Variants in CABLES2 observed in about 807,000 individuals in gnomAD.
CABLES2 encodes CDK5 and ABL1 enzyme substrate 2.
A neutral mutation model predicts 44.8 loss-of-function variants in CABLES2; 35 were observed. The ratio of observed to expected loss-of-function variants is 0.78; its 90% CI spans 0.60 to 1.04. CABLES2 has a LOEUF of 1.04. CABLES2 is among the 50% of genes least tolerant of loss of function. The probability of loss-of-function intolerance (pLI) is 0.00; values close to 1 mark genes in which losing one functional copy is unlikely to be tolerated. For synonymous variants in CABLES2, 282 were observed against 281.1 expected (o/e 1.00, Z -0.03); for missense variants, 566 against 615.7 (o/e 0.92, Z 0.85).
At position 62,389,520 on chromosome 20, in the gene CABLES2, T is replaced by G. The variant is rs1317092412; in HGVS notation, c.*1451A>C. The G allele has an allele frequency of 1.3e-5, 2 of 152,202 alleles. No homozygotes were observed. The highest frequency in any genetic ancestry group is 3.9e-4 in the East Asian group (2 of 5,192). The allele number at this position is 152,202 out of a possible 1,614,324, so 9.4% of individuals were successfully genotyped here. ...TGGTGGAGTTCTGTGATAGCAGAAT[T>G]GGCATCTCCTTTCTGCGGAAGCACC... On this transcript the variant is annotated 3_prime_UTR_variant, in exon 10 of 10. Coordinates refer to ENST00000279101, the MANE Select transcript of CABLES2 (RefSeq NM_031215.3).
In CABLES2 at chr20:62,391,312, G is replaced by A. The variant is rs185909955; in HGVS notation, c.1233C>T (p.Cys411=). 37 of 1,613,084 alleles carry A rather than the reference G, an allele frequency of 2.3e-5. No individual in the cohort carries two copies. The African/African-American group carries it at 3.2e-4, about 14-fold the overall frequency. The change falls in exon 9 of 10, where the codon TGC becomes TGT. Residue 411 remains cysteine (C), a synonymous_variant. Coordinates refer to ENST00000279101, the MANE Select transcript of CABLES2 (RefSeq NM_031215.3). The surrounding 1 kb of genome is among the most constrained non-coding windows in gnomAD (Gnocchi z 5.7). Reference sequence around the variant, plus strand: ...TGCTGATCTTGGCAGCCAGCAGCACGCAGGCGCCAGCGCACAGCTTGCGGT... The same window carrying A: ...TGCTGATCTTGGCAGCCAGCAGCACACAGGCGCCAGCGCACAGCTTGCGGT... ...KQNRKLCAGA[C]VLLAAKISSD...
intron 1 of CABLES2, chr20:62,404,544 C>G (rs1354819812): frequency 1.3e-5 from 2 of 152,332 alleles, no homozygotes; most frequent in East Asian, 3.9e-4. Flanking sequence ...GGGCAGCCAC[C>G]CTTCCCTCGA....
chr20:62,392,341 T>C, intron 8 of CABLES2, 48 bp downstream of exon 8: 1 of 1,356,188 alleles, frequency 7.4e-7, no homozygotes, highest in Non-Finnish European at 1.1e-6. Flanking sequence ...GAGGAGAGGC[T>C]GGCAGGGCCT....
At position 62,389,222 on chromosome 20, in the gene CABLES2, A is replaced by C. The variant is rs1349345452; in HGVS notation, c.*1749T>G. ...TTCAGAGGAAAGCTGCCTGGGACCC[A>C]GCATGGTGGAGCAGCTTTGAAGCTG... On this transcript the variant is annotated 3_prime_UTR_variant, in exon 10 of 10. Coordinates refer to ENST00000279101, the MANE Select transcript of CABLES2 (RefSeq NM_031215.3). The C allele has an allele frequency of 6.6e-6, 1 of 152,476 alleles. No individual in the cohort carries two copies. Among genetic ancestry groups the C allele is most frequent in the Non-Finnish European group, 1.5e-5 (1 of 68,248 alleles). The allele number at this position is 152,476 out of a possible 1,614,324, so 9.4% of individuals were successfully genotyped here. A position where few individuals can be genotyped will look rare whatever the true frequency, so the allele number is the denominator to read the frequency against.
Position 62,389,920 on chromosome 20 carries a change from C to T in CABLES2, c.*1051G>A, listed in dbSNP as rs1158203860. 1 of 152,168 alleles carries T rather than the reference C, an allele frequency of 6.6e-6. No homozygotes were observed. The highest frequency in any genetic ancestry group is 1.5e-5 in the Non-Finnish European group (1 of 68,038). 9.4% of individuals were successfully genotyped at this position (152,168 alleles called of 1,614,324 possible). On this transcript the variant is annotated 3_prime_UTR_variant, in exon 10 of 10. Coordinates refer to ENST00000279101, the MANE Select transcript of CABLES2 (RefSeq NM_031215.3). ...GAGGTGGCCAAGATGGCACCTGTTT[C>T]CTGCCTCAGAAGAAAAGGCACTGAC...
At chr20:62,400,703 G>T (rs539338332) in intron 1 of CABLES2, among the ~76,000 whole-genome samples, 9 of 152,256 alleles carry the variant, frequency 5.9e-5, no homozygotes, top group Non-Finnish European at 1.2e-4. Context: ...GAGGCCCCGC[G>T]GCAGCCTGCC....
At chr20:62,398,949 A>C (rs941367927) in intron 1 of CABLES2, among the ~76,000 whole-genome samples, 5 of 152,228 alleles carry the variant, frequency 3.3e-5, no homozygotes, top group African/African-American at 1.2e-4. Flanking sequence ...TGATGCTGTC[A>C]TTTTTTTCTT....
In CABLES2 at chr20:62,388,722, T is replaced by C. The variant is rs1987845353; in HGVS notation, c.*2249A>G. The C allele has an allele frequency of 1.8e-6, 1 of 554,390 alleles. No individual in the cohort carries two copies. The highest frequency in any genetic ancestry group is 3.2e-6 in the Non-Finnish European group (1 of 312,046). 34.3% of individuals were successfully genotyped at this position (554,390 alleles called of 1,614,324 possible). A position where few individuals can be genotyped will look rare whatever the true frequency, so the allele number is the denominator to read the frequency against. The stretch of plus-strand genomic sequence containing the variant: ...ATAACTCAAACATTCTGAGGTCTGA[T>C]ACTTGCTTATGCACACTGACATCCA... On this transcript the variant is annotated 3_prime_UTR_variant, in exon 10 of 10. Transcript: ENST00000279101.
At chr20:62,394,365 A>C in intron 4 of CABLES2, 100 bp from the exon 5 acceptor site, 1 of 852,030 alleles carries the variant, frequency 1.2e-6, no homozygotes, top group Non-Finnish European at 1.9e-6. Context: ...CTCGGGAACA[A>C]TGTCAGCACA....
At position 62,391,290 on chromosome 20, in the gene CABLES2, T is replaced by C; in HGVS notation, c.1255A>G (p.Ser419Gly). Residue 419 changes from serine (S) to glycine (G), a missense_variant, in exon 9 of 10, where the codon AGC becomes GGC. Around this residue, in one of 2 missense-constraint regions of CABLES2, gnomAD observed 436 missense variants for 536.3 expected, o/e 0.81. Coordinates refer to ENST00000279101, the MANE Select transcript of CABLES2 (RefSeq NM_031215.3). This position sits in a 1 kb window ranked among gnomAD's most constrained non-coding sequence, Gnocchi z 5.7. ...GACVLLAAKI[S>G]SDLRKSGVTQ... ...ACGCCGCTCTTGCGCAGGTCACTGC[T>C]GATCTTGGCAGCCAGCAGCACGCAG... 6.2e-7 allele frequency: 1 copy of C among 1,613,000 alleles called. No individual in the cohort carries two copies. The highest frequency in any genetic ancestry group is 8.5e-7 in the Non-Finnish European group (1 of 1,179,976).
chr20:62,405,170 G>A (rs1988257918), intron 1 of CABLES2: 1 of 152,342 alleles, frequency 6.6e-6, no homozygotes, highest in Non-Finnish European at 1.5e-5. Context: ...ATGCAGGACT[G>A]AGGGAGAAAG....
chr20:62,393,319 C>T, intron 6 of CABLES2, 121 bp downstream of exon 6: 1 of 1,099,318 alleles, frequency 9.1e-7, no homozygotes, highest in Non-Finnish European at 1.3e-6. Flanking sequence ...GTTCCCCAGG[C>T]TCCATCTGCA....
At position 62,392,440 on chromosome 20, in the gene CABLES2, G is replaced by T. The variant is rs750044349; in HGVS notation, c.1040C>A (p.Thr347Asn). 7 of 1,614,056 alleles carry T rather than the reference G, an allele frequency of 4.3e-6. No homozygotes were observed. The highest frequency in any genetic ancestry group is 2.2e-5 in the East Asian group (1 of 44,882). Residue 347 changes from threonine (T) to asparagine (N), a missense_variant, in exon 8 of 10, where the codon ACC (threonine) becomes AAC (asparagine). Transcript: ENST00000279101. The stretch of plus-strand genomic sequence containing the variant: ...GACATGGGGGAACTTCTCCCTGAAG[G>T]TCTCGTTCATGTCCTTTTTGAGGTC... ...PSDLKKDMNE[T>N]FREKFPHVKL...
chr20:62,397,411 T>A (rs1412918637), intron 1 of CABLES2, among the ~76,000 whole-genome samples: 1 of 152,122 alleles, frequency 6.6e-6, no homozygotes, highest in Non-Finnish European at 1.5e-5. Context: ...TGCCTGGACT[T>A]CAGGAGTCTC....
At chr20:62,398,071 C>CGGT (rs71195454) in intron 1 of CABLES2, among the ~76,000 whole-genome samples, 1 of 68,234 alleles carries the variant, frequency 1.5e-5, no homozygotes, top group Non-Finnish European at 2.7e-5. Context: ...GTGGTGGTGA[C>CGGT]GGTGGTGGTG....
chr20:62,396,703 C>A lies in CABLES2; in HGVS notation c.363-111G>T, dbSNP rs577280710. ...AGGGAAGGGCCACTCTCCAGCCCAGCGGCGCACCCATGGGCCGAGGGGCTT... is the reference window on the plus strand; with the variant it reads ...AGGGAAGGGCCACTCTCCAGCCCAGAGGCGCACCCATGGGCCGAGGGGCTT... On this transcript the variant is annotated intron_variant, in intron 1 of 9. Transcript: ENST00000279101. The surrounding 1 kb of genome is among the most constrained non-coding windows in gnomAD (Gnocchi z 5.7). 31 of 1,155,886 alleles carry A rather than the reference C, an allele frequency of 2.7e-5. No homozygotes were observed. In the Middle Eastern group the frequency reaches 1.1e-3, roughly 43 times the overall value. 71.6% of individuals were successfully genotyped at this position (1,155,886 alleles called of 1,614,324 possible).
rs573788889 is a variant in CABLES2 at position 62,389,932 on chromosome 20, G to A, written c.*1039C>T. ...ATGGCACCTGTTTCCTGCCTCAGAAGAAAAGGCACTGACGCACTGACCCTT... is the reference window on the plus strand; with the variant it reads ...ATGGCACCTGTTTCCTGCCTCAGAAAAAAAGGCACTGACGCACTGACCCTT... On this transcript the variant is annotated 3_prime_UTR_variant, in exon 10 of 10. Coordinates refer to ENST00000279101, the MANE Select transcript of CABLES2 (RefSeq NM_031215.3). 2.6e-5 allele frequency: 4 copies of A among 152,184 alleles called. No individual in the cohort carries two copies. Among genetic ancestry groups the A allele is most frequent in the Non-Finnish European group, 4.4e-5 (3 of 68,052 alleles). The allele number at this position is 152,184 out of a possible 1,614,324, so 9.4% of individuals were successfully genotyped here. A position where few individuals can be genotyped will look rare whatever the true frequency, so the allele number is the denominator to read the frequency against.
intron 3 of CABLES2, 143 bp from the exon 4 acceptor site, chr20:62,395,157 A>G (rs1987994598): frequency 1.5e-5 from 10 of 681,980 alleles, no homozygotes; most frequent in Non-Finnish European, 2.0e-5. Flanking sequence ...GTCCAAGGGG[A>G]CTTGAGCCCA....
intron 5 of CABLES2, among the ~76,000 whole-genome samples, 163 bp from the exon 6 acceptor site, chr20:62,393,768 T>A (rs1281387897): frequency 6.6e-6 from 1 of 152,236 alleles, no homozygotes; most frequent in Non-Finnish European, 1.5e-5. Context: ...AGCTAGACGC[T>A]GCTCCTCACA....
Sources: gnomAD v4.1 joint callset for allele counts (sites outside exome capture counted in the v4.1 genomes callset) on GRCh38, gnomAD v4.1.1 for gene constraint, gnomAD v4.1.1 regional missense constraint, Gnocchi (gnomAD v3.1) non-coding constraint, MANE v1.5 for transcripts, NCBI Gene and HGNC (gene_info 2026-07-23, HGNC 2026-07-21) for gene names.